The following WASF3 variants were observed in gnomAD, a reference collection of about 807,000 sequenced individuals.
WASF3 encodes the protein actin-binding protein WASF3.
A neutral mutation model predicts 46.6 loss-of-function variants in WASF3; 11 were observed. That is an observed-to-expected ratio of 0.24 (90% confidence interval 0.15 to 0.39). WASF3 has a LOEUF of 0.39. WASF3 is among the 10% of genes least tolerant of loss of function. WASF3 has a pLI of 1.00. For synonymous variants in WASF3, 242 were observed against 259.7 expected, an observed-to-expected ratio of 0.93 and a Z score of 0.65; for missense variants, 576 against 669.8, an observed-to-expected ratio of 0.86 and a Z score of 1.55.
chr13:26,548,310 C>T, the WASF3 span, among the ~76,000 whole-genome samples: 1 of 152,304 alleles, frequency 6.6e-6, no homozygotes, highest in Non-Finnish European at 1.5e-5. Flanking sequence ...TAATCTCTGA[C>T]ATTTTAATCT....
chr13:26,594,087 A>G (rs1358271773), intron 1 of WASF3, among the ~76,000 whole-genome samples: 1 of 152,228 alleles, frequency 6.6e-6, no homozygotes, highest in Non-Finnish European at 1.5e-5. Flanking sequence ...TAATGACAAC[A>G]AAAGTATTCC....
chr13:26,565,093 C>T (rs1342249193), intron 1 of WASF3, among the ~76,000 whole-genome samples: 1 of 149,980 alleles, frequency 6.7e-6, no homozygotes, highest in African/African-American at 2.5e-5. Context: ...GGTGCTATCT[C>T]GGCTTGAAAC....
At chr13:26,557,903 AG>A in intron 1 of WASF3, 84 bp downstream of exon 1, 2 of 279,140 alleles carry the variant, frequency 7.2e-6, no homozygotes, top group African/African-American at 2.3e-5. Context: ...CTGTCGGGGG[AG>A]GGGCGGCCCC....
At chr13:26,549,501 T>C in the WASF3 span, among the ~76,000 whole-genome samples, 1 of 152,120 alleles carries the variant, frequency 6.6e-6, no homozygotes, top group Non-Finnish European at 1.5e-5. Flanking sequence ...GGACCTAACA[T>C]GGGGATCACA....
At chr13:26,678,272 T>A (rs1291155566) in intron 7 of WASF3, among the ~76,000 whole-genome samples, 1 of 152,190 alleles carries the variant, frequency 6.6e-6, no homozygotes, top group African/African-American at 2.4e-5. Flanking sequence ...TATTTTTTTT[T>A]ACTACAGTGT....
chr13:26,577,774 T>C, intron 1 of WASF3: 1 of 635,552 alleles, frequency 1.6e-6, no homozygotes, highest in South Asian at 1.9e-5. Flanking sequence ...CTGCAGACCT[T>C]ATTCAGATTT....
At chr13:26,650,777 C>T (rs1882292113) in intron 3 of WASF3, among the ~76,000 whole-genome samples, 2 of 152,040 alleles carry the variant, frequency 1.3e-5, no homozygotes, top group African/African-American at 4.8e-5. Flanking sequence ...CAGGACCCAG[C>T]AGAAGTGATT....
At chr13:26,588,419 G>A (rs1326093682) in intron 1 of WASF3, among the ~76,000 whole-genome samples, 1 of 152,130 alleles carries the variant, frequency 6.6e-6, no homozygotes, top group Non-Finnish European at 1.5e-5. Flanking sequence ...CAGATTTCTG[G>A]GAGGGAAACC....
intron 3 of WASF3, among the ~76,000 whole-genome samples, chr13:26,657,268 A>T (rs1409909881): frequency 6.6e-6 from 1 of 152,220 alleles, no homozygotes; most frequent in Non-Finnish European, 1.5e-5. Flanking sequence ...GCAGGTTCTA[A>T]ATCACTGCAT....
chr13:26,653,517 T>C (rs368957591), intron 3 of WASF3, among the ~76,000 whole-genome samples: 2 of 152,214 alleles, frequency 1.3e-5, no homozygotes, highest in East Asian at 3.9e-4. Flanking sequence ...TAAAATCCAG[T>C]GGCCAGGATC....
At chr13:26,634,273 G>A (rs1268907806) in intron 2 of WASF3, among the ~76,000 whole-genome samples, 2 of 152,092 alleles carry the variant, frequency 1.3e-5, no homozygotes, top group African/African-American at 4.8e-5. Flanking sequence ...ATCTTTGTTG[G>A]TTTAAAGTCT....
At chr13:26,539,915 TCC>T in the WASF3 span, among the ~76,000 whole-genome samples, 1 of 152,094 alleles carries the variant, frequency 6.6e-6, no homozygotes, top group Non-Finnish European at 1.5e-5. Context: ...CAGGTCAAAG[TCC>T]CTTCAAGGGG....
At position 26,682,544 on chromosome 13, in the gene WASF3, G is replaced by C; in HGVS notation, c.984-63G>C. 2 of 1,603,710 alleles carry C rather than the reference G, an allele frequency of 1.2e-6. No homozygotes were observed. Among genetic ancestry groups the C allele is most frequent in the African/African-American group, 1.3e-5 (1 of 74,526 alleles). On this transcript the variant is annotated intron_variant, in intron 8 of 9. Coordinates refer to ENST00000335327, the MANE Select transcript of WASF3 (RefSeq NM_006646.6). The surrounding 1 kb of genome is among the most constrained non-coding windows in gnomAD (Gnocchi z 4.4). ...GGGGATGGCTCCGTTAGGTGTCTAAGAGCTCCCAGGACGTGACCCTCTCTT... is the reference window on the plus strand; with the variant it reads ...GGGGATGGCTCCGTTAGGTGTCTAACAGCTCCCAGGACGTGACCCTCTCTT...
intron 3 of WASF3, among the ~76,000 whole-genome samples, chr13:26,653,410 C>T (rs958664064): frequency 6.6e-6 from 1 of 152,200 alleles, no homozygotes; most frequent in African/African-American, 2.4e-5. Context: ...TCCATGGCCT[C>T]TATTTCCCAC....
intron 1 of WASF3, among the ~76,000 whole-genome samples, chr13:26,607,197 T>C (rs1331622196): frequency 6.6e-6 from 1 of 152,196 alleles, no homozygotes; most frequent in Non-Finnish European, 1.5e-5. Flanking sequence ...CTTAACACTT[T>C]CTAGCTTGTG....
intron 3 of WASF3, among the ~76,000 whole-genome samples, chr13:26,643,618 A>G (rs1388100654): frequency 6.6e-6 from 1 of 152,240 alleles, no homozygotes; most frequent in Non-Finnish European, 1.5e-5. Flanking sequence ...AAATTATTGA[A>G]GGGTAAAATT....
At position 26,685,739 on chromosome 13, in the gene WASF3, A is replaced by T; in HGVS notation, c.1403A>T (p.Glu468Val). The T allele has an allele frequency of 6.2e-7, 1 of 1,614,200 alleles. No individual in the cohort carries two copies. Among genetic ancestry groups the T allele is most frequent in the South Asian group, 1.1e-5 (1 of 91,080 alleles). Residue 468 changes from glutamate to valine, a missense_variant, in exon 10 of 10, where the codon GAG (glutamate) becomes GTG (valine). Glu to Val is a moderately radical substitution (Grantham distance 121, BLOSUM62 -2). This residue lies in a region of WASF3 where 68 missense variants were observed against 100.3 expected (regional missense o/e 0.68). Transcript: ENST00000335327. ...CAGCGGGAGCAGGAGGCCAAGCGGG[A>T]GCCAGTGGGGAATGACGTGGCCACG... is the stretch of plus-strand genomic sequence containing the variant. ...QEQREQEAKR[E>V]PVGNDVATIL...
intron 9 of WASF3, 69 bp from the exon 10 acceptor site, chr13:26,685,619 T>A (rs1281678895): frequency 2.5e-6 from 4 of 1,579,932 alleles, no homozygotes; most frequent in Admixed American, 1.7e-5. Context: ...AATAGACATA[T>A]TTGTTCGTTT....
chr13:26,637,925 G>A (rs1881878048), intron 2 of WASF3, among the ~76,000 whole-genome samples: 1 of 152,216 alleles, frequency 6.6e-6, no homozygotes, highest in Non-Finnish European at 1.5e-5. Flanking sequence ...ACCAAGGTGG[G>A]ATCACAGCTA....
Sources: gnomAD v4.1 joint callset for allele counts (sites outside exome capture counted in the v4.1 genomes callset) on GRCh38, gnomAD v4.1.1 for gene constraint, gnomAD v4.1.1 regional missense constraint, Gnocchi (gnomAD v3.1) non-coding constraint, MANE v1.5 for transcripts, NCBI Gene and HGNC (gene_info 2026-07-23, HGNC 2026-07-21) for gene names.